NDST1: variants seen among roughly 807,000 people sequenced by gnomAD.
NDST1 encodes the protein N-deacetylase and N-sulfotransferase 1, also known as bifunctional heparan sulfate N-deacetylase/N-sulfotransferase 1.
A neutral mutation model predicts 92.8 loss-of-function variants in NDST1; 35 were observed. That is an observed-to-expected ratio of 0.38 (90% CI 0.29 to 0.50). The LOEUF (loss-of-function observed/expected upper bound fraction) is 0.50. Among genes scored for constraint, NDST1 ranks in the 20% least tolerant of loss-of-function variants. The probability of loss-of-function intolerance (pLI) is 0.94; values close to 1 mark genes in which losing one functional copy is unlikely to be tolerated. For synonymous variants in NDST1, 493 were observed against 500.3 expected, an observed-to-expected ratio of 0.99 and a Z score of 0.19; for missense variants, 822 against 1,182.7, an observed-to-expected ratio of 0.69 and a Z score of 4.47.
intron 1 of NDST1, among the ~76,000 whole-genome samples, chr5:150,516,443 A>G (rs1036269237): frequency 2.0e-5 from 3 of 152,226 alleles, no homozygotes; most frequent in African/African-American, 4.8e-5. Flanking sequence ...TAATGTTCAC[A>G]ACCTTGGGAA....
chr5:150,553,191 T>TGAGCTTTCCTTCCCGTTACAGTCCC lies in NDST1; in HGVS notation c.2530-17_2537dup, dbSNP rs1346193218. ...CACTCTTAAGTCAGTACACAAGGTCTGAGCTTTCCTTCCCGTTACAGTCCC... is the reference window on the plus strand; with the variant it reads ...CACTCTTAAGTCAGTACACAAGGTCTGAGCTTTCCTTCCCGTTACAGTCCCGAGCTTTCCTTCCCGTTACAGTCCC... On this transcript the variant is annotated intron_variant, in intron 14 of 14. Coordinates refer to ENST00000261797, the MANE Select transcript of NDST1 (RefSeq NM_001543.5). The surrounding 1 kb of genome is among the most constrained non-coding windows in gnomAD (Gnocchi z 4.2). The TGAGCTTTCCTTCCCGTTACAGTCCC allele has an allele frequency of 6.2e-7, 1 of 1,610,092 alleles. No homozygotes were observed. Among genetic ancestry groups the TGAGCTTTCCTTCCCGTTACAGTCCC allele is most frequent in the East Asian group, 2.2e-5 (1 of 44,720 alleles).
chr5:150,499,753 A>G (rs1394195475), intron 1 of NDST1, among the ~76,000 whole-genome samples: 2 of 152,186 alleles, frequency 1.3e-5, no homozygotes, highest in Admixed American at 1.3e-4. Context: ...GCTGCAGATA[A>G]CAGTCCCTGA....
In NDST1 at chr5:150,556,212, C is replaced by G. The variant is rs1362350588; in HGVS notation, c.*2880C>G. 6.6e-6 allele frequency: 1 copy of G among 152,244 alleles called. No homozygotes were observed. Among genetic ancestry groups the G allele is most frequent in the Non-Finnish European group, 1.5e-5 (1 of 68,080 alleles). The allele number at this position is 152,244 out of a possible 1,614,324, so 9.4% of individuals were successfully genotyped here. Reference sequence around the variant, plus strand: ...GGCTCCATCGTCTATTCTGTGGTCCCCTCCATGAGCCTTTGCCCCAGGGTG... The same window carrying G: ...GGCTCCATCGTCTATTCTGTGGTCCGCTCCATGAGCCTTTGCCCCAGGGTG... On this transcript the variant is annotated 3_prime_UTR_variant, in exon 15 of 15. Transcript: ENST00000261797.
intron 3 of NDST1, among the ~76,000 whole-genome samples, chr5:150,530,346 G>A (rs1270978543): frequency 1.3e-5 from 2 of 152,152 alleles, no homozygotes; most frequent in African/African-American, 4.8e-5. Context: ...CCTCTGGCAA[G>A]GTAGATTGCT....
At chr5:150,513,132 G>A (rs1471067450) in intron 1 of NDST1, among the ~76,000 whole-genome samples, 1 of 152,074 alleles carries the variant, frequency 6.6e-6, no homozygotes, top group Admixed American at 6.5e-5. Flanking sequence ...GGAAGTTGAG[G>A]CTGCAGTAAG....
rs999422534 is a variant in NDST1 at position 150,556,848 on chromosome 5, T to C, written c.*3516T>C. 1.3e-5 allele frequency: 2 copies of C among 152,698 alleles called. No individual in the cohort carries two copies. The highest frequency in any genetic ancestry group is 2.9e-5 in the Non-Finnish European group (2 of 68,056). The allele number at this position is 152,698 out of a possible 1,614,324, so 9.5% of individuals were successfully genotyped here. A position where few individuals can be genotyped will look rare whatever the true frequency, so the allele number is the denominator to read the frequency against. ...TTTTGGAATCAGCATCCAGTCACGG[T>C]GCACACATTGCATTTTCTAACTATG... On this transcript the variant is annotated 3_prime_UTR_variant, in exon 15 of 15. Transcript: ENST00000261797.
chr5:150,545,937 T>A (rs1755457552), intron 11 of NDST1, among the ~76,000 whole-genome samples: 1 of 149,876 alleles, frequency 6.7e-6, no homozygotes, highest in African/African-American at 2.5e-5. Context: ...CTGTGATACA[T>A]GGAGAGGGTG....
chr5:150,518,017 G>A (rs1365789990), intron 1 of NDST1, among the ~76,000 whole-genome samples: 1 of 152,224 alleles, frequency 6.6e-6, no homozygotes, highest in East Asian at 1.9e-4. Flanking sequence ...TGGGTACCCT[G>A]AGTGTAAACA....
At chr5:150,537,138 G>A (rs765417489) in intron 6 of NDST1, among the ~76,000 whole-genome samples, 21 of 152,212 alleles carry the variant, frequency 1.4e-4, no homozygotes, top group East Asian at 9.6e-4. Context: ...TCTTAATCCC[G>A]TCATCTTCAT....
At chr5:150,545,223 C>A in intron 10 of NDST1, 89 bp from the exon 11 acceptor site, 1 of 1,469,512 alleles carries the variant, frequency 6.8e-7, no homozygotes, top group East Asian at 2.3e-5. Flanking sequence ...TGAGGACATT[C>A]TACCCCAGTG....
chr5:150,537,044 C>T (rs1389663196), intron 6 of NDST1, among the ~76,000 whole-genome samples: 1 of 152,232 alleles, frequency 6.6e-6, no homozygotes, highest in African/African-American at 2.4e-5. Flanking sequence ...GGCAGAAGAA[C>T]ATAAATTGTG....
chr5:150,527,988 C>G lies in NDST1; in HGVS notation c.698C>G (p.Ser233Cys). Residue 233 changes from serine (S) to cysteine (C), a missense_variant, in exon 3 of 15, where the codon TCC (serine) becomes TGC (cysteine). By Grantham distance (112) the Ser-to-Cys change is moderately radical. Coordinates refer to ENST00000261797, the MANE Select transcript of NDST1 (RefSeq NM_001543.5). ...TGGACGGTTTTCCAGTCAAATCACT[C>G]CACCTATGAGCCAGTGCTGCTGGCC... ...EDWTVFQSNH[S>C]TYEPVLLAKT... is the part of the protein sequence containing the mutation. 1 of 1,613,914 alleles carries G rather than the reference C, an allele frequency of 6.2e-7. No homozygotes were observed. Among genetic ancestry groups the G allele is most frequent in the Non-Finnish European group, 8.5e-7 (1 of 1,179,912 alleles).
chr5:150,542,860 T>TGTGGTGC lies in NDST1; in HGVS notation c.1859_1860insGTGGTGC (p.Tyr621TrpfsTer11). On this transcript the variant is annotated frameshift_variant, in exon 10 of 15. Coordinates refer to ENST00000261797, the MANE Select transcript of NDST1 (RefSeq NM_001543.5). LOFTEE classifies it high-confidence loss of function. ...ACCCTCCCCACAGGCACCACTGCCC[T>TGTGGTGC]CTACCTGTTCCTGGGCATGCACCCT... 1 of 1,614,100 alleles carries TGTGGTGC rather than the reference T, an allele frequency of 6.2e-7. No individual in the cohort carries two copies. The highest frequency in any genetic ancestry group is 8.5e-7 in the Non-Finnish European group (1 of 1,179,956).
chr5:150,541,843 G>A (rs1342723909), intron 9 of NDST1, among the ~76,000 whole-genome samples, 177 bp downstream of exon 9: 1 of 152,136 alleles, frequency 6.6e-6, no homozygotes, highest in Admixed American at 6.5e-5. Context: ...GGAAAGAGGT[G>A]GAGGAGGGGC....
At chr5:150,511,957 TG>T (rs5872175) in intron 1 of NDST1, among the ~76,000 whole-genome samples, 4,474 of 150,432 alleles carry the variant, frequency 0.03, 373 homozygotes, top group Admixed American at 0.16. Context: ...GGGGTGATGA[TG>T]TGACTGTGCT....
At chr5:150,513,626 A>G (rs1293057944) in intron 1 of NDST1, among the ~76,000 whole-genome samples, 1 of 152,212 alleles carries the variant, frequency 6.6e-6, no homozygotes, top group African/African-American at 2.4e-5. Flanking sequence ...CATGGTGTAC[A>G]TGTGAGTTGG....
Position 150,551,875 on chromosome 5 carries a change from C to T in NDST1, c.2529+20C>T, listed in dbSNP as rs935462686. 6.2e-7 allele frequency: 1 copy of T among 1,611,166 alleles called. No homozygotes were observed. Among genetic ancestry groups the T allele is most frequent in the Non-Finnish European group, 8.5e-7 (1 of 1,177,926 alleles). On this transcript the variant is annotated intron_variant, in intron 14 of 14. Transcript: ENST00000261797. ...TTGGATGTAAGTGGTGGACACACTA[C>T]CTGTAGCACCTGCATAAGGGTAAGG...
In NDST1 at chr5:150,549,739, A is replaced by G; in HGVS notation, c.2378A>G (p.Gln793Arg). The G allele has an allele frequency of 6.2e-7, 1 of 1,614,154 alleles. No homozygotes were observed. Among genetic ancestry groups the G allele is most frequent in the Non-Finnish European group, 8.5e-7 (1 of 1,179,970 alleles). The change falls in exon 13 of 15, where the codon CAG becomes CGG. Residue 793 changes from glutamine to arginine, a missense_variant. By Grantham distance (43) the Gln-to-Arg change is conservative. Transcript: ENST00000261797. ...TEPAKVMDMV[Q>R]KFLGVTNTID... ...CCTGCCAAAGTGATGGACATGGTGC[A>G]GAAGTTCCTTGGGGTGACCAACACC...
chr5:150,500,482 A>G (rs1753182496), intron 1 of NDST1, among the ~76,000 whole-genome samples: 1 of 152,234 alleles, frequency 6.6e-6, no homozygotes. Flanking sequence ...AATGTGAGCT[A>G]TCCTTGGAGA....
Sources: gnomAD v4.1 joint callset for allele counts (sites outside exome capture counted in the v4.1 genomes callset) on GRCh38, gnomAD v4.1.1 for gene constraint, Gnocchi (gnomAD v3.1) non-coding constraint, MANE v1.5 for transcripts, NCBI Gene and HGNC (gene_info 2026-07-23, HGNC 2026-07-21) for gene names.